Variants in FTCDNL1 observed in about 807,000 individuals in gnomAD.
FTCDNL1 encodes the protein formiminotransferase cyclodeaminase N-terminal like, also known as formiminotransferase N-terminal subdomain-containing protein.
Under a neutral mutation model 5.9 loss-of-function variants are expected in FTCDNL1, and 11 were observed. The ratio of observed to expected loss-of-function variants is 1.87; its 90% CI spans 1.18 to 3.10. FTCDNL1 has a LOEUF of 3.10. Ranked by LOEUF, FTCDNL1 falls within the 30% of genes most tolerant of loss-of-function variation. The pLI, the probability that FTCDNL1 is intolerant of heterozygous loss-of-function variation, is 0.00. For missense variants in FTCDNL1, 115 were observed against 65.5 expected (o/e 1.76, Z -2.61); for synonymous variants, 58 against 24.8 (o/e 2.34, Z -3.99).
chr2:199,808,753 C>T (rs564298921), downstream of FTCDNL1, among the ~76,000 whole-genome samples: 1 of 152,152 alleles, frequency 6.6e-6, no homozygotes, highest in Non-Finnish European at 1.5e-5. Flanking sequence ...CTAGAATAGA[C>T]CTAGAAAAAC....
intron 3 of FTCDNL1, among the ~76,000 whole-genome samples, chr2:199,828,184 A>G (rs534770325): frequency 1.4e-4 from 21 of 152,334 alleles, no homozygotes; most frequent in African/African-American, 5.1e-4. Flanking sequence ...ATATTTAGTC[A>G]GAGAATTACT....
chr2:199,744,614 T>A, the FTCDNL1 span, among the ~76,000 whole-genome samples: 1 of 152,208 alleles, frequency 6.6e-6, no homozygotes, highest in African/African-American at 2.4e-5. Context: ...TTTCTGTCGT[T>A]TAAGCCACCC....
At chr2:199,783,020 G>A (rs1283852643) in intron 3 of FTCDNL1, among the ~76,000 whole-genome samples, 5 of 152,188 alleles carry the variant, frequency 3.3e-5, no homozygotes. Context: ...CATCTCTACA[G>A]ATTTCTGTAG....
chr2:199,765,330 G>T, intron 3 of FTCDNL1, among the ~76,000 whole-genome samples: 1 of 151,728 alleles, frequency 6.6e-6, no homozygotes. Context: ...AATGGGGTAG[G>T]CTGGGAGCAG....
At chr2:199,813,120 G>A (rs765637481) in intron 4 of FTCDNL1, among the ~76,000 whole-genome samples, 45 of 152,192 alleles carry the variant, frequency 3.0e-4, no homozygotes, top group Non-Finnish European at 5.1e-4. Flanking sequence ...TTGAGCACTG[G>A]CAGTAATGAC....
At chr2:199,690,566 T>G in the FTCDNL1 span, among the ~76,000 whole-genome samples, 1 of 152,230 alleles carries the variant, frequency 6.6e-6, no homozygotes, top group Non-Finnish European at 1.5e-5. Flanking sequence ...GAGGCTACCC[T>G]GCCCCATTCC....
chr2:199,739,229 G>A, the FTCDNL1 span, among the ~76,000 whole-genome samples: 1 of 152,076 alleles, frequency 6.6e-6, no homozygotes, highest in Admixed American at 6.5e-5. Flanking sequence ...CTTGAATGCT[G>A]GTTCCTGCCT....
chr2:199,726,263 G>A, the FTCDNL1 span, among the ~76,000 whole-genome samples: 1 of 152,222 alleles, frequency 6.6e-6, no homozygotes, highest in Admixed American at 6.5e-5. Flanking sequence ...TCTCTAAAAT[G>A]GTTATTCTGG....
chr2:199,691,155 T>G, the FTCDNL1 span, among the ~76,000 whole-genome samples: 1 of 152,316 alleles, frequency 6.6e-6, no homozygotes, highest in African/African-American at 2.4e-5. Flanking sequence ...GGTGGCCAAT[T>G]TTTACTTATT....
At chr2:199,749,456 C>A in the FTCDNL1 span, among the ~76,000 whole-genome samples, 1 of 152,054 alleles carries the variant, frequency 6.6e-6, no homozygotes, top group East Asian at 1.9e-4. Flanking sequence ...TATGACACAA[C>A]TGAACTCACT....
At chr2:199,673,981 C>A in the FTCDNL1 span, among the ~76,000 whole-genome samples, 1 of 152,046 alleles carries the variant, frequency 6.6e-6, no homozygotes, top group African/African-American at 2.4e-5. Context: ...CAGCCCAGCC[C>A]AAGTCTATGG....
chr2:199,727,731 G>C, the FTCDNL1 span, among the ~76,000 whole-genome samples: 9 of 152,040 alleles, frequency 5.9e-5, no homozygotes, highest in East Asian at 1.7e-3. Flanking sequence ...CCCATCCCTT[G>C]CCTTATCAAT....
the FTCDNL1 span, among the ~76,000 whole-genome samples, chr2:199,752,925 G>T: frequency 6.6e-6 from 1 of 152,070 alleles, no homozygotes; most frequent in African/African-American, 2.4e-5. Flanking sequence ...GAGAAAGGGT[G>T]AGTTTAGTTT....
chr2:199,721,444 A>G, the FTCDNL1 span, among the ~76,000 whole-genome samples: 1 of 152,204 alleles, frequency 6.6e-6, no homozygotes, highest in South Asian at 2.1e-4. Context: ...TTCAAAGGAC[A>G]TAGTCTCATT....
At chr2:199,796,720 AC>A (rs1170774757) in intron 3 of FTCDNL1, among the ~76,000 whole-genome samples, 1 of 152,174 alleles carries the variant, frequency 6.6e-6, no homozygotes, top group Non-Finnish European at 1.5e-5. Context: ...TACTCATATT[AC>A]AAAATTTGCT....
chr2:199,800,074 T>C (rs1436690416), intron 3 of FTCDNL1, among the ~76,000 whole-genome samples: 1 of 152,066 alleles, frequency 6.6e-6, no homozygotes, highest in Non-Finnish European at 1.5e-5. Flanking sequence ...CTTTAGTAAT[T>C]AGTTAATTGT....
At chr2:199,826,855 G>A (rs1251273598) in intron 3 of FTCDNL1, among the ~76,000 whole-genome samples, 1 of 152,096 alleles carries the variant, frequency 6.6e-6, no homozygotes, top group East Asian at 1.9e-4. Context: ...GTATTTTAGG[G>A]TAGCTAGATA....
At chr2:199,804,479 T>A (rs1700622085), downstream of FTCDNL1, among the ~76,000 whole-genome samples, 1 of 152,234 alleles carries the variant, frequency 6.6e-6, no homozygotes, top group South Asian at 2.1e-4. Context: ...AATATGCTAC[T>A]ACGCAAAAGA....
At chr2:199,803,304 A>G (rs181981367) in intron 3 of FTCDNL1, among the ~76,000 whole-genome samples, 211 of 152,156 alleles carry the variant, frequency 1.4e-3, no homozygotes, top group Non-Finnish European at 2.6e-3. Context: ...TGAGTGGACC[A>G]TCCTATAAAA....
Sources: allele counts gnomAD v4.1 joint callset (sites outside exome capture counted in the v4.1 genomes callset), GRCh38; gene constraint gnomAD v4.1.1; transcripts MANE v1.5; gene names NCBI Gene and HGNC (gene_info 2026-07-23, HGNC 2026-07-21).